Variants in EFCAB6 observed in about 807,000 individuals in gnomAD.
EFCAB6 encodes EF-hand calcium binding domain 6.
Under a neutral mutation model 169.8 loss-of-function variants are expected in EFCAB6, and 156 were observed. The ratio of observed to expected loss-of-function variants is 0.92; its 90% CI spans 0.81 to 1.05. EFCAB6 has a LOEUF of 1.05. Among genes scored for constraint, EFCAB6 ranks in the 50% least tolerant of loss-of-function variants. The probability of loss-of-function intolerance (pLI) is 0.00; values close to 1 mark genes in which losing one functional copy is unlikely to be tolerated. For synonymous variants in EFCAB6, 698 were observed against 676.4 expected, an observed-to-expected ratio of 1.03 and a Z score of -0.50; for missense variants, 1,800 against 1,829.1, an observed-to-expected ratio of 0.98 and a Z score of 0.29.
chr22:43,532,254 C>T (rs1235284660), intron 30 of EFCAB6, among the ~76,000 whole-genome samples: 3 of 152,236 alleles, frequency 2.0e-5, no homozygotes, highest in Non-Finnish European at 4.4e-5. Flanking sequence ...CCCACTCTGA[C>T]CCCAGCTTTG....
At chr22:43,736,958 G>A (rs200627136) in intron 6 of EFCAB6, among the ~76,000 whole-genome samples, 1 of 151,768 alleles carries the variant, frequency 6.6e-6, no homozygotes, top group East Asian at 1.9e-4. Context: ...GCCCTCCCCT[G>A]AGCTCCGGCC....
intron 17 of EFCAB6, among the ~76,000 whole-genome samples, chr22:43,640,183 T>G (rs989899007): frequency 8.5e-5 from 13 of 152,148 alleles, no homozygotes; most frequent in Admixed American, 8.5e-4. Flanking sequence ...GTTGAATAAT[T>G]TGGGGTTATA....
intron 11 of EFCAB6, among the ~76,000 whole-genome samples, chr22:43,684,396 G>A (rs1235145092): frequency 2.6e-5 from 4 of 152,124 alleles, no homozygotes; most frequent in African/African-American, 9.7e-5. Context: ...GCCCGTCAGT[G>A]TACATGTGTG....
intron 26 of EFCAB6, among the ~76,000 whole-genome samples, chr22:43,559,687 AAAT>A (rs547267893): frequency 2.6e-4 from 40 of 152,354 alleles, no homozygotes; most frequent in African/African-American, 9.6e-4. Context: ...CAGCCATAAA[AAAT>A]AATGAGTTCA....
intron 10 of EFCAB6, among the ~76,000 whole-genome samples, chr22:43,694,880 C>T (rs1029105633): frequency 5.9e-5 from 9 of 152,120 alleles, no homozygotes; most frequent in African/African-American, 9.6e-5. Flanking sequence ...TAAAATGGAA[C>T]GCTTTCTACC....
rs536566224 is a variant in EFCAB6, at chr22:43,652,961, C to T, written c.1983+14143G>A. ...AAATATAATACTAAAATTAAGAACT[C>T]GGTGAGTACAACTAACCACAGATTG... On this transcript the variant is annotated intron_variant, in intron 17 of 31. Transcript: ENST00000262726. Among the ~76,000 whole-genome samples, 12 of 152,160 alleles carry T rather than the reference C, an allele frequency of 7.9e-5. 1 individual carries two copies. The highest frequency in any genetic ancestry group is 2.2e-4 in the African/African-American group (9 of 41,520).
chr22:43,635,314 C>G, intron 17 of EFCAB6, 98 bp from the exon 18 acceptor site: 1 of 880,492 alleles, frequency 1.1e-6, no homozygotes, highest in Admixed American at 1.9e-5. Flanking sequence ...CACAGCAGGG[C>G]TCATGATTGT....
At chr22:43,673,121 T>G (rs1299817507) in intron 13 of EFCAB6, among the ~76,000 whole-genome samples, 2 of 152,220 alleles carry the variant, frequency 1.3e-5, no homozygotes, top group Non-Finnish European at 2.9e-5. Context: ...AAGGTACATT[T>G]GGATACTATT....
intron 27 of EFCAB6, among the ~76,000 whole-genome samples, chr22:43,546,359 G>T (rs1244651817): frequency 6.6e-6 from 1 of 152,162 alleles, no homozygotes; most frequent in Admixed American, 6.6e-5. Flanking sequence ...CATCAGAGCC[G>T]CCTGGAGTGC....
rs556595037 is a variant in EFCAB6 at position 43,718,341 on chromosome 22, G to A, written c.758-1369C>T. 2.2e-4 allele frequency among the ~76,000 whole-genome samples: 33 copies of A among 152,166 alleles called. No homozygotes were observed. In the Middle Eastern group the frequency reaches 0.01, roughly 47 times the overall value. On this transcript the variant is annotated intron_variant, in intron 8 of 31. Transcript: ENST00000262726. ...TATTTCCTAAAATGTCTGCAAATAC[G>A]CTTCAGCCAAATTAAGCACACTTAA...
At chr22:43,719,242 C>T (rs548357026) in intron 8 of EFCAB6, among the ~76,000 whole-genome samples, 4 of 152,164 alleles carry the variant, frequency 2.6e-5, no homozygotes, top group Non-Finnish European at 5.9e-5. Context: ...TTTCATTCTC[C>T]AGGGCAGCTT....
At chr22:43,713,298 G>T (rs1407077962) in intron 9 of EFCAB6, among the ~76,000 whole-genome samples, 1 of 152,072 alleles carries the variant, frequency 6.6e-6, no homozygotes, top group Non-Finnish European at 1.5e-5. Context: ...CACATTATTG[G>T]CATGCAGTCA....
intron 27 of EFCAB6, among the ~76,000 whole-genome samples, chr22:43,549,248 AAATT>A (rs2048249118): frequency 6.6e-6 from 1 of 152,182 alleles, no homozygotes; most frequent in Non-Finnish European, 1.5e-5. Context: ...AATTAATAGA[AAATT>A]AATATCAACT....
rs993571675 is a variant in EFCAB6, at chr22:43,572,215, G to C, written c.3420+4082C>G. ...TGAGCAGGTGCTTCTGGAGGTGAAGGCAACTCTTTGTGATGCGAACTGGGC... is the reference window on the plus strand; with the variant it reads ...TGAGCAGGTGCTTCTGGAGGTGAAGCCAACTCTTTGTGATGCGAACTGGGC... On this transcript the variant is annotated intron_variant, in intron 26 of 31. Transcript: ENST00000262726. This position sits in a 1 kb window ranked among gnomAD's most constrained non-coding sequence, Gnocchi z 4.0. 6.6e-6 allele frequency among the ~76,000 whole-genome samples: 1 copy of C among 152,192 alleles called. No individual in the cohort carries two copies. The highest frequency in any genetic ancestry group is 1.9e-4 in the East Asian group (1 of 5,186).
intron 27 of EFCAB6, among the ~76,000 whole-genome samples, chr22:43,543,437 C>T (rs1471962762): frequency 6.6e-6 from 1 of 152,152 alleles, no homozygotes; most frequent in East Asian, 1.9e-4. Context: ...TTCTCCAGAC[C>T]CCCCGATAGG....
intron 2 of EFCAB6, among the ~76,000 whole-genome samples, chr22:43,801,755 A>G (rs1444315356): frequency 1.3e-5 from 2 of 152,218 alleles, no homozygotes; most frequent in African/African-American, 2.4e-5. Context: ...GGACTAAAAC[A>G]TATTACCAGA....
At chr22:43,580,721 T>C in intron 24 of EFCAB6, 62 bp from the exon 25 acceptor site, 1 of 1,553,896 alleles carries the variant, frequency 6.4e-7, no homozygotes, top group Non-Finnish European at 8.8e-7. Flanking sequence ...TGCTTATTCA[T>C]TCAACAGTTG....
chr22:43,625,235 G>A (rs1203050167), intron 20 of EFCAB6, among the ~76,000 whole-genome samples: 1 of 152,140 alleles, frequency 6.6e-6, no homozygotes, highest in Non-Finnish European at 1.5e-5. Flanking sequence ...CTCTCAGGGA[G>A]CTGCCCTTGC....
At chr22:43,681,308 A>G (rs1396417826) in intron 12 of EFCAB6, among the ~76,000 whole-genome samples, 1 of 152,252 alleles carries the variant, frequency 6.6e-6, no homozygotes, top group Admixed American at 6.5e-5. Flanking sequence ...GATAAATCCC[A>G]TGTGGTCACA....
Sources: gnomAD v4.1 joint callset for allele counts (sites outside exome capture counted in the v4.1 genomes callset) on GRCh38, gnomAD v4.1.1 for gene constraint, Gnocchi (gnomAD v3.1) non-coding constraint, MANE v1.5 for transcripts, NCBI Gene and HGNC (gene_info 2026-07-23, HGNC 2026-07-21) for gene names.